USH2A: variants seen among roughly 807,000 people sequenced by gnomAD.
USH2A encodes Usher syndrome 2A (autosomal recessive, mild).
USH2A carries 443 observed loss-of-function variants against 538.9 expected under a neutral mutation model. The observed-to-expected ratio is 0.82, with a 90% CI of 0.76 to 0.89. The LOEUF (loss-of-function observed/expected upper bound fraction) is 0.89, where lower values mean the gene tolerates loss of function less well. Among genes scored for constraint, USH2A ranks in the 40% least tolerant of loss-of-function variants. USH2A has a pLI of 0.00. For missense variants in USH2A, 6,633 were observed against 6,324.8 expected (o/e 1.05, Z -1.65); for synonymous variants, 2,413 against 2,273.5 (o/e 1.06, Z -1.75).
intron 20 of USH2A, among the ~76,000 whole-genome samples, chr1:216,180,428 G>A (rs954351068): frequency 1.3e-5 from 2 of 151,998 alleles, no homozygotes; most frequent in African/African-American, 4.8e-5. Context: ...TTTATAAAAT[G>A]TTATAATATG....
chr1:215,696,682 G>A (rs1658821904), intron 61 of USH2A, among the ~76,000 whole-genome samples: 1 of 152,134 alleles, frequency 6.6e-6, no homozygotes, highest in Non-Finnish European at 1.5e-5. Context: ...AGCGGATACA[G>A]ACTTGTGCCC....
chr1:216,328,625 T>A (rs1016253453), intron 4 of USH2A, among the ~76,000 whole-genome samples: 3 of 152,070 alleles, frequency 2.0e-5, no homozygotes, highest in Admixed American at 2.0e-4. Flanking sequence ...AATGTTTGAT[T>A]TATGTTTTCT....
At chr1:215,838,309 T>C (rs570497166) in intron 46 of USH2A, among the ~76,000 whole-genome samples, 24 of 152,266 alleles carry the variant, frequency 1.6e-4, no homozygotes, top group African/African-American at 5.3e-4. Flanking sequence ...TCAAGATAAT[T>C]GATTTAGTAA....
intron 55 of USH2A, 141 bp from the exon 56 acceptor site, chr1:215,766,929 T>C (rs1371926649): frequency 7.3e-6 from 6 of 820,426 alleles, no homozygotes; most frequent in Non-Finnish European, 1.2e-5. Flanking sequence ...TTAAAGAAGG[T>C]CTGAACCTCA....
intron 21 of USH2A, among the ~76,000 whole-genome samples, chr1:216,152,484 C>G (rs368415853): frequency 6.6e-6 from 1 of 150,766 alleles, no homozygotes; most frequent in African/African-American, 2.4e-5. Flanking sequence ...GAGCACCTTG[C>G]GACCCCCACT....
chr1:216,250,116 G>A (rs1176498123), intron 12 of USH2A, among the ~76,000 whole-genome samples: 2 of 152,048 alleles, frequency 1.3e-5, no homozygotes, highest in Non-Finnish European at 2.9e-5. Flanking sequence ...ATTTCAAAGT[G>A]CATTATGAAC....
At chr1:216,179,998 T>C (rs2034461942) in intron 20 of USH2A, among the ~76,000 whole-genome samples, 1 of 152,094 alleles carries the variant, frequency 6.6e-6, no homozygotes, top group African/African-American at 2.4e-5. Flanking sequence ...CACTTTCCCA[T>C]CTGCAACATG....
In USH2A at chr1:216,325,581, G is replaced by A. The variant is rs769958568; in HGVS notation, c.867C>T (p.Phe289=). Residue 289 remains phenylalanine (F), a synonymous_variant, in exon 6 of 72, where the codon TTC becomes TTT. Transcript: ENST00000307340. ...CATGCAATCTGAGAAGATCTCCAGA[G>A]AAGACTTCCAGAATCTCTCTGTGGG... ...ALTNREILEV[F]SGDLLRLHAQ... 6.2e-6 allele frequency: 10 copies of A among 1,613,096 alleles called. No homozygotes were observed. In the African/African-American group the frequency reaches 1.3e-4, roughly 22 times the overall value.
In USH2A at chr1:216,227,410, T is replaced by C. The variant is rs548417176; in HGVS notation, c.2993+4543A>G. Reference sequence around the variant, plus strand: ...ATTAGACAATAACTTTCAGGGCTCATAAAGCAGGGCAGAATCAAAGGAAGG... The same window carrying C: ...ATTAGACAATAACTTTCAGGGCTCACAAAGCAGGGCAGAATCAAAGGAAGG... On this transcript the variant is annotated intron_variant, in intron 14 of 71. Transcript: ENST00000307340. Among the ~76,000 whole-genome samples, 5 of 152,274 alleles carry C rather than the reference T, an allele frequency of 3.3e-5. No individual in the cohort carries two copies. In the South Asian group the frequency reaches 1.0e-3, roughly 32 times the overall value.
intron 14 of USH2A, among the ~76,000 whole-genome samples, chr1:216,226,832 G>A (rs996073027): frequency 3.3e-5 from 5 of 152,230 alleles, no homozygotes; most frequent in Middle Eastern, 3.4e-3. Context: ...TGAGAAATAC[G>A]TAGTCTTCCT....
rs1361278640 is a variant in USH2A at position 215,675,146 on chromosome 1, C to G, written c.12765G>C (p.Val4255=). The G allele has an allele frequency of 6.2e-7, 1 of 1,613,932 alleles. No homozygotes were observed. The highest frequency in any genetic ancestry group is 8.5e-7 in the Non-Finnish European group (1 of 1,180,016). The change falls in exon 63 of 72, where the codon GTG becomes GTC. Residue 4255 remains valine (V), a synonymous_variant. Transcript: ENST00000307340. The part of the protein sequence containing the change: ...SAGHTCSSWN[V]VRTLQAPPEG... ...CTGGAGGTGCTTGCAATGTCCTCACCACATTCCAAGAGCTACAGGTATGCC... is the reference window on the plus strand; with the variant it reads ...CTGGAGGTGCTTGCAATGTCCTCACGACATTCCAAGAGCTACAGGTATGCC...
At chr1:215,812,617 T>C (rs11120643) in intron 49 of USH2A, among the ~76,000 whole-genome samples, 13,859 of 152,216 alleles carry the variant, frequency 0.091, 667 homozygotes, top group East Asian at 0.19. Flanking sequence ...TCAGCTTTCC[T>C]ATGGCCTCCA....
At chr1:215,894,638 G>A (rs532127409) in intron 40 of USH2A, among the ~76,000 whole-genome samples, 12 of 152,190 alleles carry the variant, frequency 7.9e-5, no homozygotes, top group South Asian at 4.1e-4. Context: ...TAGAACATTC[G>A]TTAACCTAGC....
chr1:215,888,541 C>T lies in USH2A; in HGVS notation c.8108G>A (p.Ser2703Asn), dbSNP rs1437720530. 4 of 1,614,166 alleles carry T rather than the reference C, an allele frequency of 2.5e-6. No homozygotes were observed. The highest frequency in any genetic ancestry group is 3.4e-6 in the Non-Finnish European group (4 of 1,180,032). The change falls in exon 41 of 72, where the codon AGC becomes AAC. Residue 2703 changes from serine (S) to asparagine (N), a missense_variant. Coordinates refer to ENST00000307340, the MANE Select transcript of USH2A (RefSeq NM_206933.4). ...GCTGTTTGTGCCTCCATGAAGAGTGCTCATCAGTACCCGATATTCATATTT... is the reference window on the plus strand; with the variant it reads ...GCTGTTTGTGCCTCCATGAAGAGTGTTCATCAGTACCCGATATTCATATTT... The part of the protein sequence containing the change: ...WTKYEYRVLM[S>N]TLHGGTNSSA...
At chr1:215,677,050 T>A (rs1419875703) in intron 62 of USH2A, among the ~76,000 whole-genome samples, 1 of 152,174 alleles carries the variant, frequency 6.6e-6, no homozygotes, top group East Asian at 1.9e-4. Flanking sequence ...ACTAACACCC[T>A]CTTCCCTCCC....
intron 40 of USH2A, among the ~76,000 whole-genome samples, chr1:215,895,613 G>A (rs772811927): frequency 4.6e-5 from 7 of 152,142 alleles, no homozygotes; most frequent in South Asian, 2.1e-4. Flanking sequence ...GTTGCTGAGG[G>A]GAAAAGTAAA....
chr1:215,869,664 G>T (rs1571764867), intron 43 of USH2A, among the ~76,000 whole-genome samples: 1 of 152,160 alleles, frequency 6.6e-6, no homozygotes, highest in East Asian at 1.9e-4. Flanking sequence ...TGTAGCTAGA[G>T]TCTGGATACC....
At chr1:216,291,453 G>A (rs1357298389) in intron 10 of USH2A, among the ~76,000 whole-genome samples, 1 of 151,796 alleles carries the variant, frequency 6.6e-6, no homozygotes, top group Non-Finnish European at 1.5e-5. Flanking sequence ...CCCAAAGACA[G>A]AAAATTCATT....
chr1:215,825,208 G>A (rs1183865824), intron 47 of USH2A, among the ~76,000 whole-genome samples: 1 of 152,022 alleles, frequency 6.6e-6, no homozygotes, highest in Non-Finnish European at 1.5e-5. Flanking sequence ...CCCCACAGTT[G>A]TCATCACTTT....
Sources: gnomAD v4.1 joint callset for allele counts (sites outside exome capture counted in the v4.1 genomes callset) on GRCh38, gnomAD v4.1.1 for gene constraint, MANE v1.5 for transcripts, NCBI Gene and HGNC (gene_info 2026-07-23, HGNC 2026-07-21) for gene names.